The following NUP160 variants were observed in gnomAD, a reference collection of about 807,000 sequenced individuals.
The protein encoded by NUP160 is nucleoporin 160.
Under a neutral mutation model 196.9 loss-of-function variants are expected in NUP160, and 94 were observed. The observed-to-expected ratio is 0.48, with a 90% confidence interval of 0.40 to 0.57. The LOEUF (loss-of-function observed/expected upper bound fraction) is 0.57. NUP160 is among the 20% of genes least tolerant of loss of function. The pLI, the probability that NUP160 is intolerant of heterozygous loss-of-function variation, is 0.00. For missense variants in NUP160, 1,638 were observed against 1,748.3 expected (o/e 0.94, Z 1.13); for synonymous variants, 605 against 619.7 (o/e 0.98, Z 0.35).
At position 47,785,043 on chromosome 11, in the gene NUP160, C is replaced by T. The variant is rs186108278; in HGVS notation, c.3869G>A (p.Arg1290Gln). ...CCTCTCCAGGTAAGTGGATAATAGT[C>T]GCCATGCTTCATCTGTAGCACTTGA... The change falls in exon 33 of 36, where the codon CGA becomes CAA. Residue 1290 changes from arginine to glutamine, a missense_variant. Around this residue, in one of 3 missense-constraint regions of NUP160, gnomAD observed 1,345 missense variants for 1,470.2 expected, o/e 0.91. Transcript: ENST00000378460. The T allele has an allele frequency of 1.3e-5, 21 of 1,577,636 alleles. No individual in the cohort carries two copies. The African/African-American group carries it at 1.4e-4, about 10-fold the overall frequency.
rs143647196 is a variant in NUP160, at chr11:47,804,569, A to T, written c.2656T>A (p.Cys886Ser). 169 of 1,538,360 alleles carry T rather than the reference A, an allele frequency of 1.1e-4. 1 individual carries two copies. Among genetic ancestry groups the T allele is most frequent in the Non-Finnish European group, 1.4e-4 (161 of 1,151,626 alleles). The change falls in exon 21 of 36, where the codon TGC (cysteine) becomes AGC (serine). Residue 886 changes from cysteine (C) to serine (S), a missense_variant. Physicochemically the swap from Cys to Ser is moderately radical, Grantham distance 112. Around this residue, in one of 3 missense-constraint regions of NUP160, gnomAD observed 1,345 missense variants for 1,470.2 expected, o/e 0.91. Transcript: ENST00000378460. ...CTCACCTGCAATTGTACATATTGGC[A>T]ATTTCCCATCAAACATTCTAGAAAG...
intron 2 of NUP160, among the ~76,000 whole-genome samples, chr11:47,847,161 C>T (rs965886181): frequency 6.6e-6 from 1 of 152,104 alleles, no homozygotes; most frequent in Non-Finnish European, 1.5e-5. Context: ...GTTCCAAACC[C>T]GCCACATTCT....
At chr11:47,806,848 CACACATAT>C (rs2097678021) in intron 19 of NUP160, among the ~76,000 whole-genome samples, 1 of 115,246 alleles carries the variant, frequency 8.7e-6, no homozygotes, top group African/African-American at 3.4e-5. Context: ...CACACACACA[CACACATAT>C]ATATACCATA....
At chr11:47,792,505 A>G (rs1207942585) in intron 28 of NUP160, 1 of 309,692 alleles carries the variant, frequency 3.2e-6, no homozygotes, top group East Asian at 6.9e-5. Flanking sequence ...ATTTTATGCC[A>G]GAGAATGACA....
At chr11:47,837,769 T>G in intron 4 of NUP160, 146 bp from the exon 5 acceptor site, 2 of 591,212 alleles carry the variant, frequency 3.4e-6, no homozygotes, top group East Asian at 5.6e-5. Flanking sequence ...CTTTCCTGCA[T>G]ATATCACACC....
chr11:47,779,657 T>C, intron 35 of NUP160: 1 of 490,792 alleles, frequency 2.0e-6, no homozygotes, highest in Non-Finnish European at 4.0e-6. Flanking sequence ...GGTGAATATA[T>C]GACTCCTGAG....
chr11:47,804,749 CAT>C (rs2097676488), intron 20 of NUP160, 131 bp from the exon 21 acceptor site: 3 of 578,620 alleles, frequency 5.2e-6, no homozygotes, highest in Non-Finnish European at 9.1e-6. Context: ...TGGCCAACCA[CAT>C]GTTCTTTCAT....
rs1417255298 is a variant in NUP160 at position 47,815,736 on chromosome 11, T to C, written c.1516-87A>G. The C allele has an allele frequency of 1.9e-5, 22 of 1,176,892 alleles. No individual in the cohort carries two copies. The South Asian group carries it at 2.3e-4, about 12-fold the overall frequency. The allele number at this position is 1,176,892 out of a possible 1,614,324, so 72.9% of individuals were successfully genotyped here. A position where few individuals can be genotyped will look rare whatever the true frequency, so the allele number is the denominator to read the frequency against. On this transcript the variant is annotated intron_variant, in intron 12 of 35. Coordinates refer to ENST00000378460, the Ensembl canonical transcript of NUP160. ...AAAACATAATTGTCCAATATCATTA[T>C]ACTAAGCTACAGCCAAATGAATATT...
At chr11:47,779,853 G>A (rs759723385) in intron 35 of NUP160, among the ~76,000 whole-genome samples, 3 of 152,022 alleles carry the variant, frequency 2.0e-5, no homozygotes, top group African/African-American at 4.8e-5. Context: ...TCAGCCTCCC[G>A]AGTAGCTGGG....
In NUP160 at chr11:47,806,852, C is replaced by CATAT. The variant is rs750485693; in HGVS notation, c.2446+214_2446+217dup. Among the ~76,000 whole-genome samples the CATAT allele has an allele frequency of 2.6e-3, 326 of 124,300 alleles. 4 individuals carry two copies. Among genetic ancestry groups the CATAT allele is most frequent in the African/African-American group, 7.6e-3 (239 of 31,604 alleles). The allele number at this position is 124,300 out of a possible 152,430, so 81.5% of individuals were successfully genotyped here. ...ACACACACACACACACACACACACACATATATATACCATATCCTTAACATA... is the reference window on the plus strand; with the variant it reads ...ACACACACACACACACACACACACACATATATATATATACCATATCCTTAACATA... On this transcript the variant is annotated intron_variant, in intron 19 of 35. Transcript: ENST00000378460.
intron 31 of NUP160, among the ~76,000 whole-genome samples, chr11:47,787,362 A>G (rs971273606): frequency 6.6e-6 from 1 of 151,588 alleles, no homozygotes; most frequent in South Asian, 2.1e-4. Flanking sequence ...TGATGGCATT[A>G]CAGGCGTAAG....
chr11:47,819,571 G>T, intron 9 of NUP160, 113 bp from the exon 10 acceptor site: 1 of 581,592 alleles, frequency 1.7e-6, no homozygotes, highest in Non-Finnish European at 3.1e-6. Flanking sequence ...GGCAATGACT[G>T]CTTCATCAAT....
chr11:47,808,272 G>T, intron 18 of NUP160, 124 bp downstream of exon 18: 1 of 862,442 alleles, frequency 1.2e-6, no homozygotes, highest in Non-Finnish European at 1.8e-6. Flanking sequence ...GAGAGAGCGA[G>T]ACTCTGTCTC....
At position 47,813,465 on chromosome 11, in the gene NUP160, G is replaced by T. The variant is rs773682181; in HGVS notation, c.1687-50C>A. 5 of 1,239,834 alleles carry T rather than the reference G, an allele frequency of 4.0e-6. No individual in the cohort carries two copies. In the Admixed American group the frequency reaches 8.7e-5, roughly 22 times the overall value. The allele number at this position is 1,239,834 out of a possible 1,614,324, so 76.8% of individuals were successfully genotyped here. A position where few individuals can be genotyped will look rare whatever the true frequency, so the allele number is the denominator to read the frequency against. On this transcript the variant is annotated intron_variant, in intron 13 of 35. Transcript: ENST00000378460. The stretch of plus-strand genomic sequence containing the variant: ...CATTTTTGTCAGTAAAATTTTAAAG[G>T]TATAAAATAATTGAGATGTGCATCT...
intron 35 of NUP160, chr11:47,779,556 C>T (rs984511895): frequency 1.3e-5 from 7 of 519,906 alleles, no homozygotes; most frequent in African/African-American, 1.2e-4. Context: ...TAGATAGGCT[C>T]AGGAGGCACT....
In NUP160 at chr11:47,848,216, T is replaced by C; in HGVS notation, c.202+3A>G. ...ATCGCACCCTCCCTGGCCATTTCCGTACCAATGCTGCAGACTGTGAATTCC... is the reference window on the plus strand; with the variant it reads ...ATCGCACCCTCCCTGGCCATTTCCGCACCAATGCTGCAGACTGTGAATTCC... On this transcript the variant is annotated splice_donor_region_variant and intron_variant, in intron 1 of 35. Coordinates refer to ENST00000378460, the Ensembl canonical transcript of NUP160. 6.2e-7 allele frequency: 1 copy of C among 1,614,134 alleles called. No individual in the cohort carries two copies. Among genetic ancestry groups the C allele is most frequent in the Non-Finnish European group, 8.5e-7 (1 of 1,180,010 alleles).
exon 3 of NUP160, chr11:47,840,439 A>G: frequency 1.9e-6 from 3 of 1,614,188 alleles, no homozygotes; most frequent in South Asian, 2.2e-5. Flanking sequence ...ATTGGTTAAC[A>G]TCAAGATTAT....
At chr11:47,840,301 A>C in intron 3 of NUP160, 77 bp downstream of exon 3, 3 of 1,297,202 alleles carry the variant, frequency 2.3e-6, no homozygotes, top group Non-Finnish European at 3.3e-6. Context: ...CAATTCCAAA[A>C]GACATCGCTC....
chr11:47,831,596 C>CA (rs1411518791), intron 7 of NUP160, among the ~76,000 whole-genome samples: 1 of 152,018 alleles, frequency 6.6e-6, no homozygotes, highest in Non-Finnish European at 1.5e-5. Flanking sequence ...GTAATCCCAG[C>CA]ACTTTGGGAG....
Sources: gnomAD v4.1 joint callset for allele counts (sites outside exome capture counted in the v4.1 genomes callset) on GRCh38, gnomAD v4.1.1 for gene constraint, gnomAD v4.1.1 regional missense constraint, MANE v1.5 for transcripts, NCBI Gene and HGNC (gene_info 2026-07-23, HGNC 2026-07-21) for gene names.